The following CSMD3 variants were observed in gnomAD, a reference collection of about 807,000 sequenced individuals.
CSMD3 encodes CUB and sushi domain-containing protein 3.
CSMD3 carries 177 observed loss-of-function variants against 435.2 expected under a neutral mutation model. The ratio of observed to expected loss-of-function variants is 0.41; its 90% CI spans 0.36 to 0.46. The LOEUF is 0.46. CSMD3 is among the 20% of genes least tolerant of loss of function. The pLI is 0.34. For synonymous variants in CSMD3, 1,656 were observed against 1,520.5 expected (o/e 1.09, Z -2.07); for missense variants, 4,265 against 4,504.6 (o/e 0.95, Z 1.52).
At chr8:113,283,557 G>C (rs116865016) in intron 2 of CSMD3, among the ~76,000 whole-genome samples, 28 of 151,990 alleles carry the variant, frequency 1.8e-4, no homozygotes, top group African/African-American at 6.5e-4. Context: ...AAGAATGGCC[G>C]TAATCAAAAA....
At chr8:112,509,982 C>G (rs147547079) in intron 28 of CSMD3, among the ~76,000 whole-genome samples, 1 of 152,020 alleles carries the variant, frequency 6.6e-6, no homozygotes, top group Non-Finnish European at 1.5e-5. Context: ...GCTTCTTTTC[C>G]TAGGTTCCTA....
chr8:113,009,373 C>T (rs768678636), intron 6 of CSMD3, among the ~76,000 whole-genome samples: 24 of 151,764 alleles, frequency 1.6e-4, no homozygotes, highest in Non-Finnish European at 2.8e-4. Flanking sequence ...AGACTGAAGT[C>T]GGTATTCATA....
intron 13 of CSMD3, among the ~76,000 whole-genome samples, chr8:112,779,001 G>A (rs2078313353): frequency 6.6e-6 from 1 of 151,620 alleles, no homozygotes; most frequent in Admixed American, 6.6e-5. Context: ...CATATAATTT[G>A]CCCATTTTTT....
At chr8:112,239,116 G>A (rs1813867327) in intron 66 of CSMD3, among the ~76,000 whole-genome samples, 2 of 152,054 alleles carry the variant, frequency 1.3e-5, no homozygotes, top group African/African-American at 4.8e-5. Flanking sequence ...ACACAGAACT[G>A]TAACCAATCT....
intron 38 of CSMD3, among the ~76,000 whole-genome samples, chr8:112,373,006 ATAT>A (rs1310876254): frequency 3.3e-5 from 3 of 92,050 alleles, no homozygotes; most frequent in Non-Finnish European, 7.6e-5. Flanking sequence ...ATATATAAAA[ATAT>A]ATATATATAT....
At chr8:112,270,850 C>A (rs1246973731) in intron 59 of CSMD3, among the ~76,000 whole-genome samples, 1 of 152,054 alleles carries the variant, frequency 6.6e-6, no homozygotes, top group Non-Finnish European at 1.5e-5. Flanking sequence ...CTTAAAGTGA[C>A]CAAAATCTTA....
intron 16 of CSMD3, among the ~76,000 whole-genome samples, chr8:112,670,057 G>A (rs533318469): frequency 3.9e-4 from 60 of 152,096 alleles, no homozygotes; most frequent in African/African-American, 1.3e-3. Context: ...CTATAACAAA[G>A]GTATGTCCAC....
intron 10 of CSMD3, among the ~76,000 whole-genome samples, chr8:112,860,368 A>T (rs2080793114): frequency 6.6e-6 from 1 of 151,728 alleles, no homozygotes; most frequent in South Asian, 2.1e-4. Context: ...TGTGTGTATA[A>T]TTTCTGTATT....
intron 9 of CSMD3, among the ~76,000 whole-genome samples, chr8:112,931,699 C>T (rs769590667): frequency 2.6e-5 from 4 of 152,032 alleles, no homozygotes; most frequent in Non-Finnish European, 5.9e-5. Flanking sequence ...AATTACTCCT[C>T]TGACAAGGGA....
In CSMD3 at chr8:113,435,516, A is replaced by C. The variant is rs185262755; in HGVS notation, c.178+1161T>G. Among the ~76,000 whole-genome samples, 706 of 152,174 alleles carry C rather than the reference A, an allele frequency of 4.6e-3. 2 individuals are homozygous for C. The highest frequency in any genetic ancestry group is 6.9e-3 in the Non-Finnish European group (472 of 68,006). ...TTTCATAGAGACGCGGCCCGATTGC[A>C]GTTCAGAGAGGCACTCCTTTACAAA... On this transcript the variant is annotated intron_variant, in intron 1 of 70. Coordinates refer to ENST00000297405, the MANE Select transcript of CSMD3 (RefSeq NM_198123.2).
intron 1 of CSMD3, chr8:113,376,927 A>G: frequency 6.6e-7 from 1 of 1,504,196 alleles, no homozygotes; most frequent in African/African-American, 1.4e-5. Flanking sequence ...GGGGGCCATA[A>G]CGGATGACGT....
At chr8:113,126,376 G>A (rs548658456) in intron 4 of CSMD3, among the ~76,000 whole-genome samples, 1 of 151,264 alleles carries the variant, frequency 6.6e-6, no homozygotes, top group East Asian at 1.9e-4. Context: ...AAAATTCATG[G>A]GCACATACAT....
intron 4 of CSMD3, among the ~76,000 whole-genome samples, chr8:113,107,185 C>T (rs1055417849): frequency 1.3e-5 from 2 of 152,206 alleles, no homozygotes; most frequent in African/African-American, 4.8e-5. Flanking sequence ...ACACTGGGGG[C>T]CTGGCACAGA....
chr8:113,206,381 A>C (rs2092771202), intron 3 of CSMD3, among the ~76,000 whole-genome samples: 1 of 152,184 alleles, frequency 6.6e-6, no homozygotes, highest in Non-Finnish European at 1.5e-5. Context: ...TCAATGATGA[A>C]GTAACCAATA....
At chr8:112,865,686 CCACA>C (rs3220985) in intron 10 of CSMD3, among the ~76,000 whole-genome samples, 470 of 43,170 alleles carry the variant, frequency 0.011, 8 homozygotes, top group East Asian at 0.073. Flanking sequence ...TTTACATACC[CCACA>C]CACACACACA....
intron 59 of CSMD3, among the ~76,000 whole-genome samples, chr8:112,275,679 G>A (rs182315833): frequency 5.1e-4 from 78 of 152,254 alleles, no homozygotes; most frequent in Non-Finnish European, 9.0e-4. Context: ...TGAGAACCAA[G>A]CAAAAGTGGA....
chr8:113,364,406 A>G (rs2094297980), intron 1 of CSMD3, among the ~76,000 whole-genome samples: 1 of 151,994 alleles, frequency 6.6e-6, no homozygotes, highest in African/African-American at 2.4e-5. Flanking sequence ...TTTAAAAAGA[A>G]CACTTGAAAA....
At chr8:112,923,730 T>A (rs920497087) in intron 9 of CSMD3, among the ~76,000 whole-genome samples, 1 of 152,192 alleles carries the variant, frequency 6.6e-6, no homozygotes, top group African/African-American at 2.4e-5. Context: ...CTCTTATCTA[T>A]TTTGTTTCCC....
intron 4 of CSMD3, among the ~76,000 whole-genome samples, chr8:113,116,916 T>A (rs1322887419): frequency 6.6e-6 from 1 of 152,090 alleles, no homozygotes; most frequent in Non-Finnish European, 1.5e-5. Flanking sequence ...AGATTTGAAC[T>A]TGAGAGAGAT....
Sources: allele counts gnomAD v4.1 joint callset (sites outside exome capture counted in the v4.1 genomes callset), GRCh38; gene constraint gnomAD v4.1.1; transcripts MANE v1.5; gene names NCBI Gene and HGNC (gene_info 2026-07-23, HGNC 2026-07-21).